Variants in ANTXR2 observed in about 807,000 individuals in gnomAD.
The protein encoded by ANTXR2 is ANTXR cell adhesion molecule 2, also known as anthrax toxin receptor 2.
A neutral mutation model predicts 73.7 loss-of-function variants in ANTXR2; 44 were observed. The observed-to-expected ratio is 0.60, with a 90% CI of 0.47 to 0.77. The LOEUF (loss-of-function observed/expected upper bound fraction) is 0.77. Among genes scored for constraint, ANTXR2 ranks in the 30% least tolerant of loss-of-function variants. The pLI is 0.00. For missense variants in ANTXR2, 604 were observed against 592.5 expected (o/e 1.02, Z -0.20); for synonymous variants, 217 against 205.9 (o/e 1.05, Z -0.46).
intron 11 of ANTXR2, among the ~76,000 whole-genome samples, chr4:80,011,397 G>T (rs1426036802): frequency 6.6e-6 from 1 of 151,418 alleles, no homozygotes; most frequent in African/African-American, 2.4e-5. Flanking sequence ...GATTCTTTTT[G>T]AAATATTCAA....
intron 16 of ANTXR2, among the ~76,000 whole-genome samples, chr4:79,917,910 G>A (rs1727419969): frequency 6.6e-6 from 1 of 151,032 alleles, no homozygotes; most frequent in African/African-American, 2.5e-5. Context: ...GCAGTTAATA[G>A]ACATGGACTT....
At chr4:80,033,438 G>A in intron 9 of ANTXR2, 34 bp downstream of exon 9, 2 of 1,507,228 alleles carry the variant, frequency 1.3e-6, no homozygotes, top group Non-Finnish European at 9.1e-7. Flanking sequence ...GCTTTGCAGA[G>A]ATTAAGACAA....
At chr4:79,980,379 A>G (rs554051227) in intron 14 of ANTXR2, among the ~76,000 whole-genome samples, 1 of 152,326 alleles carries the variant, frequency 6.6e-6, no homozygotes, top group Non-Finnish European at 1.5e-5. Flanking sequence ...ATAAATTTTA[A>G]TGTTTTAGTT....
At chr4:79,956,658 T>C (rs189743245) in intron 16 of ANTXR2, among the ~76,000 whole-genome samples, 1 of 152,168 alleles carries the variant, frequency 6.6e-6, no homozygotes. Flanking sequence ...TTCTGACCCT[T>C]CTCTATAAAA....
At chr4:79,993,416 A>C (rs1411952693) in intron 12 of ANTXR2, among the ~76,000 whole-genome samples, 2 of 151,940 alleles carry the variant, frequency 1.3e-5, no homozygotes, top group Admixed American at 1.3e-4. Flanking sequence ...CAAAGGAAGA[A>C]GGGATTCTTT....
At chr4:80,055,904 C>T (rs1433460904) in intron 4 of ANTXR2, 28 bp downstream of exon 4, 2 of 1,407,086 alleles carry the variant, frequency 1.4e-6, no homozygotes, top group Admixed American at 2.4e-5. Context: ...GCATTCTCTC[C>T]CATATTTACA....
At chr4:79,979,190 A>G (rs952479880) in intron 14 of ANTXR2, among the ~76,000 whole-genome samples, 3 of 152,218 alleles carry the variant, frequency 2.0e-5, no homozygotes, top group Non-Finnish European at 2.9e-5. Context: ...CAATAGACAG[A>G]AATTAAGAGC....
chr4:79,977,461 T>A (rs1729683887), intron 16 of ANTXR2, 160 bp downstream of exon 16: 2 of 1,368,458 alleles, frequency 1.5e-6, no homozygotes, highest in Non-Finnish European at 1.9e-6. Flanking sequence ...TAACAATAGG[T>A]AATTTATAGA....
chr4:79,944,988 T>C lies in ANTXR2; in HGVS notation c.1428+32633A>G, dbSNP rs113916184. Among the ~76,000 whole-genome samples, 1,280 of 152,280 alleles carry C rather than the reference T, an allele frequency of 8.4e-3. 14 individuals carry two copies. The highest frequency in any genetic ancestry group is 0.029 in the African/African-American group (1,203 of 41,568). On this transcript the variant is annotated intron_variant, in intron 16 of 16. Transcript: ENST00000403729. ...AATGCATTTGAAGCAGAAAAATTCA[T>C]GTTTTTAAAAATATTACCCGAATTA...
chr4:80,053,282 T>C (rs1733848159), intron 7 of ANTXR2, among the ~76,000 whole-genome samples: 2 of 151,700 alleles, frequency 1.3e-5, no homozygotes, highest in African/African-American at 4.8e-5. Flanking sequence ...ACTACAAAAA[T>C]AATTGAATCT....
chr4:79,985,993 C>T (rs1432679427), intron 12 of ANTXR2, among the ~76,000 whole-genome samples: 1 of 152,074 alleles, frequency 6.6e-6, no homozygotes, highest in East Asian at 1.9e-4. Flanking sequence ...AGGCGCCCGC[C>T]ACCACGCCTG....
intron 12 of ANTXR2, among the ~76,000 whole-genome samples, chr4:79,992,356 T>C (rs1473424846): frequency 1.3e-5 from 2 of 151,912 alleles, no homozygotes. Context: ...TCATCTAAAT[T>C]TTAGTTTAGA....
chr4:79,958,763 C>G (rs187718312), intron 16 of ANTXR2, among the ~76,000 whole-genome samples: 1 of 152,070 alleles, frequency 6.6e-6, no homozygotes, highest in African/African-American at 2.4e-5. Context: ...ATTCGGAGGA[C>G]AGTTAAAACC....
chr4:79,911,687 A>C (rs999613652), intron 16 of ANTXR2, among the ~76,000 whole-genome samples: 3 of 151,970 alleles, frequency 2.0e-5, no homozygotes, highest in Non-Finnish European at 4.4e-5. Flanking sequence ...ACTGGAACTC[A>C]GGTGGCATAA....
intron 14 of ANTXR2, among the ~76,000 whole-genome samples, chr4:79,981,371 A>G (rs552003768): frequency 5.9e-5 from 9 of 152,190 alleles, no homozygotes; most frequent in Non-Finnish European, 1.2e-4. Flanking sequence ...ACTTTGTTTC[A>G]TGCACAAAAT....
chr4:80,000,980 T>C (rs1415511061), intron 12 of ANTXR2, among the ~76,000 whole-genome samples: 1 of 152,072 alleles, frequency 6.6e-6, no homozygotes, highest in Non-Finnish European at 1.5e-5. Context: ...TAATAACATA[T>C]ATGCGTGAGG....
At chr4:79,934,812 C>CA (rs1201415421) in intron 16 of ANTXR2, among the ~76,000 whole-genome samples, 1 of 135,272 alleles carries the variant, frequency 7.4e-6, no homozygotes, top group Non-Finnish European at 1.6e-5. Flanking sequence ...GATGTTAGGA[C>CA]AAAAAACTCC....
intron 16 of ANTXR2, among the ~76,000 whole-genome samples, chr4:79,919,797 AT>A (rs527598329): frequency 1.3e-5 from 1 of 76,350 alleles, no homozygotes; most frequent in East Asian, 2.6e-4. Flanking sequence ...ATACTCCTTA[AT>A]AAACTCCCTT....
chr4:79,987,682 C>T (rs531918633), intron 12 of ANTXR2, among the ~76,000 whole-genome samples: 2 of 152,014 alleles, frequency 1.3e-5, no homozygotes. Context: ...TCTCCAAAGT[C>T]AACGCAAAGG....
Sources: gnomAD v4.1 joint callset for allele counts (sites outside exome capture counted in the v4.1 genomes callset) on GRCh38, gnomAD v4.1.1 for gene constraint, MANE v1.5 for transcripts, NCBI Gene and HGNC (gene_info 2026-07-23, HGNC 2026-07-21) for gene names.